The following ARL17B variants were observed in gnomAD, a reference collection of about 807,000 sequenced individuals.
The protein encoded by ARL17B is ADP-ribosylation factor-like protein 17.
chr17:46,281,651 T>G (rs1398135948), intron 4 of ARL17B, among the ~76,000 whole-genome samples: 1 of 152,104 alleles, frequency 6.6e-6, no homozygotes, highest in African/African-American at 2.4e-5. Context: ...GTTGGGAATT[T>G]TTTCTTCTTC....
downstream of ARL17B, chr17:46,332,419 C>T (rs1466170777): frequency 7.1e-3 from 2,727 of 383,332 alleles, 23 homozygotes; most frequent in Middle Eastern, 0.014. Flanking sequence ...ACCACGGTAC[C>T]CAAGCCTGGG....
intron 4 of ARL17B, chr17:46,275,469 T>C: frequency 1.3e-6 from 1 of 752,362 alleles, no homozygotes. Flanking sequence ...TTTTTGAAAA[T>C]GATGCTTTAT....
chr17:46,276,327 T>C (rs2668627), intron 4 of ARL17B, among the ~76,000 whole-genome samples: 21,745 of 152,074 alleles, frequency 0.14, 1,887 homozygotes, highest in Non-Finnish European at 0.22. Context: ...AATTTTTAAA[T>C]ACATTGTTTC....
chr17:46,357,071 G>A lies in ARL17B; in HGVS notation c.148+1179C>T, dbSNP rs2052927926. ...GTCTGTAATTCCACCTACTCAGGAG[G>A]CTGAGGCATGAGAATCGCCTGAACC... On this transcript the variant is annotated intron_variant, in intron 2 of 3. Transcript: ENST00000450673. 6.3e-5 allele frequency among the ~76,000 whole-genome samples: 4 copies of A among 63,534 alleles called. No individual in the cohort carries two copies. The South Asian group carries it at 3.0e-3, about 48-fold the overall frequency. The allele number at this position is 63,534 out of a possible 152,430, so 41.7% of individuals were successfully genotyped here. A position where few individuals can be genotyped will look rare whatever the true frequency, so the allele number is the denominator to read the frequency against.
intron 4 of ARL17B, among the ~76,000 whole-genome samples, chr17:46,289,759 C>A (rs1443681006): frequency 5.9e-5 from 9 of 152,176 alleles, no homozygotes; most frequent in Non-Finnish European, 1.0e-4. Context: ...AATAACTTAG[C>A]CCACGTTTCC....
chr17:46,279,340 T>C (rs1288927952), intron 4 of ARL17B, among the ~76,000 whole-genome samples: 2 of 151,810 alleles, frequency 1.3e-5, no homozygotes, highest in Non-Finnish European at 2.9e-5. Context: ...CCTACCACAA[T>C]GCCTGGCTAA....
At chr17:46,282,834 G>T (rs541421146) in intron 4 of ARL17B, among the ~76,000 whole-genome samples, 1 of 152,172 alleles carries the variant, frequency 6.6e-6, no homozygotes, top group African/African-American at 2.4e-5. Flanking sequence ...AGATCACTGT[G>T]GGGGCTGGGC....
chr17:46,289,030 C>T lies in ARL17B; in HGVS notation c.*21+10496G>A, dbSNP rs143191405. On this transcript the variant is annotated intron_variant, in intron 4 of 4. Transcript: ENST00000570618. ...TACTATTGTCTCAATATGCATTTTG[C>T]CATACTTTTTAAGTGCATCTCTTCT... 7.5e-3 allele frequency among the ~76,000 whole-genome samples: 1,148 copies of T among 152,112 alleles called. 62 individuals carry two copies. The East Asian group carries it at 0.13, about 17-fold the overall frequency.
At chr17:46,276,404 C>T (rs143275150) in intron 4 of ARL17B, among the ~76,000 whole-genome samples, 2,766 of 152,042 alleles carry the variant, frequency 0.018, 25 homozygotes, top group Middle Eastern at 0.041. Flanking sequence ...TATTAGCTAA[C>T]CTGACTTTTT....
intron 4 of ARL17B, among the ~76,000 whole-genome samples, chr17:46,287,258 A>G (rs1352189329): frequency 6.6e-6 from 1 of 152,270 alleles, no homozygotes; most frequent in Non-Finnish European, 1.5e-5. Flanking sequence ...ACTGATGGTA[A>G]TGTCTTCCTC....
intron 4 of ARL17B, among the ~76,000 whole-genome samples, chr17:46,279,468 G>A (rs1036246391): frequency 4.0e-5 from 6 of 150,128 alleles, no homozygotes; most frequent in Admixed American, 6.6e-5. Flanking sequence ...ACAGGCATGA[G>A]CCACCGCACC....
At chr17:46,275,745 G>A (rs753158016) in intron 4 of ARL17B, among the ~76,000 whole-genome samples, 30 of 152,036 alleles carry the variant, frequency 2.0e-4, no homozygotes, top group Non-Finnish European at 3.8e-4. Flanking sequence ...TGAAAGGTGC[G>A]TGTGTGTGTG....
chr17:46,281,792 C>T (rs867986614), intron 4 of ARL17B, among the ~76,000 whole-genome samples: 12,903 of 141,538 alleles, frequency 0.091, no homozygotes, highest in Middle Eastern at 0.15. Context: ...TACAGGTGTG[C>T]ATCACCACAC....
chr17:46,279,184 C>CTT (rs1189159774), intron 4 of ARL17B, among the ~76,000 whole-genome samples: 59 of 136,970 alleles, frequency 4.3e-4, no homozygotes, highest in South Asian at 1.1e-3. Flanking sequence ...TCTTTTTTTT[C>CTT]TTTTTTTTTT....
At chr17:46,288,508 G>A (rs1278423767) in intron 4 of ARL17B, among the ~76,000 whole-genome samples, 6 of 151,924 alleles carry the variant, frequency 3.9e-5, no homozygotes, top group Admixed American at 2.6e-4. Context: ...ACGTTGGCCA[G>A]GCTGGTCTCA....
chr17:46,275,372 A>G, exon 5 of ARL17B: 1 of 1,006,864 alleles, frequency 9.9e-7, no homozygotes, highest in South Asian at 1.3e-5. Flanking sequence ...TTAGGTTAAC[A>G]TGCTGAACTT....
At chr17:46,278,486 C>T (rs1015580692) in intron 4 of ARL17B, among the ~76,000 whole-genome samples, 1 of 151,736 alleles carries the variant, frequency 6.6e-6, no homozygotes, top group Non-Finnish European at 1.5e-5. Context: ...CTCACTGCAA[C>T]CTCCACCTCC....
chr17:46,334,440 CCTTTT>C (rs1411639874), downstream of ARL17B, among the ~76,000 whole-genome samples: 1 of 3,528 alleles, frequency 2.8e-4, no homozygotes, highest in African/African-American at 1.8e-3. Flanking sequence ...CCTTTCCTTT[CCTTTT>C]TTTTCCCTTC....
intron 3 of ARL17B, among the ~76,000 whole-genome samples, chr17:46,324,071 G>C (rs1377540869): frequency 8.5e-6 from 1 of 118,020 alleles, no homozygotes; most frequent in Non-Finnish European, 1.9e-5. Flanking sequence ...TTTTATTGCT[G>C]AGTAGTATTC....
Sources: allele counts gnomAD v4.1 joint callset (sites outside exome capture counted in the v4.1 genomes callset), GRCh38; gene constraint gnomAD v4.1.1; transcripts MANE v1.5; gene names NCBI Gene and HGNC (gene_info 2026-07-23, HGNC 2026-07-21).